FOXK2: variants seen among roughly 807,000 people sequenced by gnomAD.
FOXK2 encodes forkhead box K2.
A neutral mutation model predicts 53.3 loss-of-function variants in FOXK2; 24 were observed. That is an observed-to-expected ratio of 0.45 (90% CI 0.33 to 0.63). The LOEUF is 0.63. Among genes scored for constraint, FOXK2 ranks in the 30% least tolerant of loss-of-function variants. The pLI, the probability that FOXK2 is intolerant of heterozygous loss-of-function variation, is 0.03. For synonymous variants in FOXK2, 505 were observed against 407.1 expected (o/e 1.24, Z -2.89); for missense variants, 952 against 910.5 (o/e 1.05, Z -0.59).
At chr17:82,532,071 A>G (rs1256913644) in intron 1 of FOXK2, among the ~76,000 whole-genome samples, 1 of 151,948 alleles carries the variant, frequency 6.6e-6, no homozygotes, top group Non-Finnish European at 1.5e-5. Context: ...GCTGGTCTTG[A>G]ACTCCTGAGC....
At position 82,584,154 on chromosome 17, in the gene FOXK2, C is replaced by T. The variant is rs756641516; in HGVS notation, c.1245C>T (p.Val415=). 8.1e-6 allele frequency: 13 copies of T among 1,609,010 alleles called. No homozygotes were observed. The highest frequency in any genetic ancestry group is 1.1e-5 in the Non-Finnish European group (13 of 1,178,866). ...EPGAAQPKLA[V]IQEARFAQSA... ...GCGCTGCACAGCCCAAACTCGCTGT[C>T]ATCCAGGAAGCCCGGTTTGCCCAGA... Residue 415 remains valine (V), a synonymous_variant, in exon 6 of 9, where the codon GTC becomes GTT. Coordinates refer to ENST00000335255, the MANE Select transcript of FOXK2 (RefSeq NM_004514.4).
intron 4 of FOXK2, 50 bp downstream of exon 4, chr17:82,571,920 G>A (rs377656092): frequency 1.4e-6 from 2 of 1,473,072 alleles, no homozygotes; most frequent in South Asian, 1.4e-5. Context: ...ATACCGAGAA[G>A]AAAGTGGAGC....
At chr17:82,585,134 C>T (rs59259701) in intron 6 of FOXK2, 56,627 of 152,116 alleles carry the variant, frequency 0.37, 11,001 homozygotes, top group African/African-American at 0.46. Flanking sequence ...CCCTGACAGC[C>T]GTGTCTCTCT....
intron 1 of FOXK2, among the ~76,000 whole-genome samples, chr17:82,522,851 A>G (rs1486651068): frequency 6.6e-6 from 1 of 152,004 alleles, no homozygotes. Context: ...CTGGAGTACA[A>G]TGGCGTGATC....
rs190045134 is a variant in FOXK2, at chr17:82,541,856, C to T, written c.420-21498C>T. Among the ~76,000 whole-genome samples the T allele has an allele frequency of 3.3e-5, 5 of 151,310 alleles. No homozygotes were observed. In the East Asian group the frequency reaches 9.8e-4, roughly 30 times the overall value. Reference sequence around the variant, plus strand: ...CCTCCTGAGTAGTAGGGACTAGAGGCACAAATCACTGCATCCAGCTAATTA... The same window carrying T: ...CCTCCTGAGTAGTAGGGACTAGAGGTACAAATCACTGCATCCAGCTAATTA... On this transcript the variant is annotated intron_variant, in intron 1 of 8. Transcript: ENST00000335255.
At chr17:82,527,543 C>T (rs2044430541) in intron 1 of FOXK2, among the ~76,000 whole-genome samples, 1 of 152,048 alleles carries the variant, frequency 6.6e-6, no homozygotes, top group Non-Finnish European at 1.5e-5. Context: ...GCAGGATAAT[C>T]ACTTGAACCC....
At chr17:82,524,963 C>A (rs557068113) in intron 1 of FOXK2, among the ~76,000 whole-genome samples, 1 of 147,414 alleles carries the variant, frequency 6.8e-6, no homozygotes, top group Admixed American at 6.8e-5. Context: ...GAAATGCCCT[C>A]TTTGAGGACA....
At chr17:82,563,609 G>A (rs1387510926) in intron 2 of FOXK2, 61 bp downstream of exon 2, 17 of 1,468,170 alleles carry the variant, frequency 1.2e-5, no homozygotes, top group East Asian at 2.4e-5. Flanking sequence ...CCCAAGTAAC[G>A]CCTTTCTCCT....
chr17:82,585,283 C>T (rs938276229), intron 6 of FOXK2: 3 of 151,986 alleles, frequency 2.0e-5, no homozygotes, highest in Admixed American at 2.0e-4. Flanking sequence ...TGAGTGTGGC[C>T]CTCGTCTTTC....
chr17:82,553,399 C>T (rs532327033), intron 1 of FOXK2, among the ~76,000 whole-genome samples: 3 of 152,386 alleles, frequency 2.0e-5, no homozygotes, highest in African/African-American at 7.2e-5. Flanking sequence ...AAAGGCAGCT[C>T]TTCTGTGCTT....
chr17:82,563,571 C>CT (rs752098927), intron 2 of FOXK2, 23 bp downstream of exon 2: 39 of 1,600,630 alleles, frequency 2.4e-5, no homozygotes, highest in Non-Finnish European at 3.2e-5. Flanking sequence ...GGATGGGGGA[C>CT]TGGAGCATCC....
At chr17:82,564,965 G>C (rs1417474108) in intron 2 of FOXK2, among the ~76,000 whole-genome samples, 4 of 151,870 alleles carry the variant, frequency 2.6e-5, no homozygotes. Flanking sequence ...CCTGACCTCA[G>C]GTGATCCGCC....
At chr17:82,587,948 G>C (rs777242406) in intron 8 of FOXK2, among the ~76,000 whole-genome samples, 1 of 152,184 alleles carries the variant, frequency 6.6e-6, no homozygotes, top group Non-Finnish European at 1.5e-5. Flanking sequence ...TCTCAAGCAG[G>C]CAAATCCGAA....
intron 4 of FOXK2, among the ~76,000 whole-genome samples, chr17:82,574,082 G>T (rs918158634): frequency 6.6e-6 from 1 of 152,188 alleles, no homozygotes; most frequent in African/African-American, 2.4e-5. Flanking sequence ...AGCTCACGTC[G>T]GCAGGGAATG....
At chr17:82,592,559 T>C (rs999469634) in intron 8 of FOXK2, among the ~76,000 whole-genome samples, 3 of 152,250 alleles carry the variant, frequency 2.0e-5, no homozygotes, top group African/African-American at 7.2e-5. Context: ...TGCTTCACCC[T>C]GCGACATTCT....
At position 82,586,308 on chromosome 17, in the gene FOXK2, G is replaced by A. The variant is rs34855993; in HGVS notation, c.1576+108G>A. On this transcript the variant is annotated intron_variant, in intron 7 of 8. Coordinates refer to ENST00000335255, the MANE Select transcript of FOXK2 (RefSeq NM_004514.4). ...CACAGGGAGGTCAAAGGTGGGCCGG[G>A]GGGGAAAGGAGGAGAGGGGAGACCA... The A allele has an allele frequency of 6.0e-3, 1,624 of 272,246 alleles. 226 individuals carry two copies. The highest frequency in any genetic ancestry group is 0.018 in the Admixed American group (334 of 18,486). 16.9% of individuals were successfully genotyped at this position (272,246 alleles called of 1,614,324 possible).
chr17:82,562,743 T>C (rs1292506196), intron 1 of FOXK2, among the ~76,000 whole-genome samples: 1 of 152,174 alleles, frequency 6.6e-6, no homozygotes, highest in African/African-American at 2.4e-5. Context: ...CCAAAACATA[T>C]TCAGGCACTT....
At chr17:82,536,837 C>A (rs181350363) in intron 1 of FOXK2, among the ~76,000 whole-genome samples, 2 of 152,318 alleles carry the variant, frequency 1.3e-5, no homozygotes, top group Non-Finnish European at 2.9e-5. Flanking sequence ...TATGTTGGGA[C>A]TGTAATCTTC....
At chr17:82,572,373 C>T (rs1172808179) in intron 4 of FOXK2, among the ~76,000 whole-genome samples, 4 of 152,244 alleles carry the variant, frequency 2.6e-5, no homozygotes, top group East Asian at 3.9e-4. Context: ...AACAGATGAA[C>T]GTGGTGTGCC....
Sources: allele counts gnomAD v4.1 joint callset (sites outside exome capture counted in the v4.1 genomes callset), GRCh38; gene constraint gnomAD v4.1.1; transcripts MANE v1.5; gene names NCBI Gene and HGNC (gene_info 2026-07-23, HGNC 2026-07-21).